The following CTXND2 variants were observed in gnomAD, a reference collection of about 807,000 sequenced individuals.
CTXND2 encodes the protein cortexin domain containing 2.
At chr1:150,901,093 C>CA (rs1224431762) in intron 1 of CTXND2, among the ~76,000 whole-genome samples, 3 of 152,158 alleles carry the variant, frequency 2.0e-5, no homozygotes. Flanking sequence ...GCCTGGGTGA[C>CA]AGAGTGAGAC....
intron 1 of CTXND2, among the ~76,000 whole-genome samples, chr1:150,891,750 T>C (rs1424141491): frequency 6.6e-6 from 1 of 152,186 alleles, no homozygotes; most frequent in East Asian, 1.9e-4. Context: ...CCTTCATATC[T>C]TTACCTGGAA....
At chr1:150,911,594 G>A (rs939843855) in intron 1 of CTXND2, among the ~76,000 whole-genome samples, 1 of 151,750 alleles carries the variant, frequency 6.6e-6, no homozygotes, top group African/African-American at 2.4e-5. Context: ...CATCACACCT[G>A]GCTAATTTTT....
At chr1:150,893,015 A>G (rs1272984308) in intron 1 of CTXND2, among the ~76,000 whole-genome samples, 2 of 152,204 alleles carry the variant, frequency 1.3e-5, no homozygotes, top group African/African-American at 2.4e-5. Context: ...CCCTTCATTT[A>G]CTTAAGTGTT....
At chr1:150,894,850 A>T (rs777629853) in intron 1 of CTXND2, among the ~76,000 whole-genome samples, 1 of 152,134 alleles carries the variant, frequency 6.6e-6, no homozygotes, top group Non-Finnish European at 1.5e-5. Context: ...AGCCTGGCCA[A>T]CATGGTGAAA....
chr1:150,910,701 G>A (rs1219295218), intron 1 of CTXND2, among the ~76,000 whole-genome samples: 1 of 148,532 alleles, frequency 6.7e-6, no homozygotes, highest in Non-Finnish European at 1.5e-5. Flanking sequence ...GCATGCTCTC[G>A]GCTCACTGCA....
At chr1:150,891,033 C>T (rs1314063707) in intron 1 of CTXND2, among the ~76,000 whole-genome samples, 2 of 152,072 alleles carry the variant, frequency 1.3e-5, no homozygotes, top group East Asian at 3.9e-4. Context: ...ACTGTTCATA[C>T]CCTACACCCA....
At chr1:150,888,974 G>T (rs1051163381) in intron 1 of CTXND2, among the ~76,000 whole-genome samples, 11 of 151,958 alleles carry the variant, frequency 7.2e-5, no homozygotes, top group African/African-American at 2.7e-4. Context: ...AAAGGGCTGG[G>T]ATTATAGGAA....
chr1:150,903,853 G>C (rs1220308272), intron 1 of CTXND2: 4 of 537,712 alleles, frequency 7.4e-6, no homozygotes, highest in Non-Finnish European at 1.4e-5. Context: ...CGGCTTCAGA[G>C]TGGTAACCTA....
chr1:150,900,377 C>A (rs587730377), intron 1 of CTXND2, among the ~76,000 whole-genome samples: 2 of 152,084 alleles, frequency 1.3e-5, no homozygotes, highest in Non-Finnish European at 2.9e-5. Flanking sequence ...AAAGTCCAGA[C>A]GCATCTGAAC....
intron 1 of CTXND2, among the ~76,000 whole-genome samples, chr1:150,911,467 G>A (rs1002045523): frequency 6.7e-6 from 1 of 149,148 alleles, no homozygotes; most frequent in African/African-American, 2.5e-5. Flanking sequence ...GTGGGGTCTC[G>A]CTCTGTTGCG....
At chr1:150,903,972 A>T (rs1669090399) in intron 1 of CTXND2, 1 of 646,732 alleles carries the variant, frequency 1.5e-6, no homozygotes. Flanking sequence ...AAGGGAGGCA[A>T]GCACAAGACT....
intron 1 of CTXND2, among the ~76,000 whole-genome samples, chr1:150,894,115 G>A (rs1274416659): frequency 6.6e-6 from 1 of 151,930 alleles, no homozygotes; most frequent in Non-Finnish European, 1.5e-5. Flanking sequence ...AATCATTGAG[G>A]TAATTTTTTC....
intron 1 of CTXND2, among the ~76,000 whole-genome samples, chr1:150,897,906 A>C (rs1668931517): frequency 6.6e-6 from 1 of 152,244 alleles, no homozygotes; most frequent in Non-Finnish European, 1.5e-5. Context: ...ACTCTGTACC[A>C]TAATGACCAC....
chr1:150,912,469 C>T, exon 2 of CTXND2: 2 of 398,562 alleles, frequency 5.0e-6, no homozygotes, highest in Non-Finnish European at 8.8e-6. Context: ...ACCACAGAAC[C>T]ATCTCTGAGC....
chr1:150,912,968 G>A (rs998260472), exon 2 of CTXND2: 2 of 152,202 alleles, frequency 1.3e-5, no homozygotes, highest in African/African-American at 4.8e-5. Context: ...GGTAGAAGGG[G>A]ACTAATTTGC....
rs1376494151 is a variant in CTXND2, at chr1:150,912,711, C to T, written c.*229C>T. 4 of 354,934 alleles carry T rather than the reference C, an allele frequency of 1.1e-5. No individual in the cohort carries two copies. The East Asian group carries it at 1.2e-4, about 11-fold the overall frequency. The allele number at this position is 354,934 out of a possible 1,614,324, so 22.0% of individuals were successfully genotyped here. Reference sequence around the variant, plus strand: ...GGCCATAGATTTTAATTCTTCAGTGCCTAAGGTCCTTAGGATGAGACAGTG... The same window carrying T: ...GGCCATAGATTTTAATTCTTCAGTGTCTAAGGTCCTTAGGATGAGACAGTG... On this transcript the variant is annotated 3_prime_UTR_variant, in exon 2 of 2. Coordinates refer to ENST00000636087, the Ensembl canonical transcript of CTXND2.
chr1:150,905,062 CCA>C (rs58415621), intron 1 of CTXND2, among the ~76,000 whole-genome samples: 33,105 of 130,548 alleles, frequency 0.25, 4,067 homozygotes, highest in East Asian at 0.45. Context: ...AAAAAGAAAA[CCA>C]CACACACACA....
intron 1 of CTXND2, among the ~76,000 whole-genome samples, chr1:150,901,382 A>G (rs1669027817): frequency 6.6e-6 from 1 of 152,206 alleles, no homozygotes; most frequent in Non-Finnish European, 1.5e-5. Flanking sequence ...ATTTGTTTAT[A>G]AAAACTGACA....
chr1:150,889,892 C>T (rs1420494207), intron 1 of CTXND2, among the ~76,000 whole-genome samples: 1 of 152,046 alleles, frequency 6.6e-6, no homozygotes, highest in African/African-American at 2.4e-5. Flanking sequence ...GGACAGACAC[C>T]TAGAGCTTAC....
Sources: gnomAD v4.1 joint callset for allele counts (sites outside exome capture counted in the v4.1 genomes callset) on GRCh38, gnomAD v4.1.1 for gene constraint, MANE v1.5 for transcripts, NCBI Gene and HGNC (gene_info 2026-07-23, HGNC 2026-07-21) for gene names.